Variants in SPG11 observed in about 807,000 individuals in gnomAD.
SPG11 encodes SPG11 vesicle trafficking associated, spatacsin.
A neutral mutation model predicts 274.0 loss-of-function variants in SPG11; 222 were observed. The observed-to-expected ratio is 0.81, with a 90% confidence interval of 0.73 to 0.91. The LOEUF (loss-of-function observed/expected upper bound fraction) is 0.91, where lower values mean the gene tolerates loss of function less well. Among genes scored for constraint, SPG11 ranks in the 40% least tolerant of loss-of-function variants. The probability of loss-of-function intolerance (pLI) is 0.00; values close to 1 mark genes in which losing one functional copy is unlikely to be tolerated. For missense variants in SPG11, 3,114 were observed against 2,872.7 expected (o/e 1.08, Z -1.92); for synonymous variants, 1,144 against 1,039.7 (o/e 1.10, Z -1.93).
intron 15 of SPG11, among the ~76,000 whole-genome samples, chr15:44,616,976 T>G (rs971444714): frequency 6.6e-6 from 1 of 152,226 alleles, no homozygotes; most frequent in African/African-American, 2.4e-5. Context: ...GTGCTTCCTC[T>G]TTTGTGAGAA....
At chr15:44,585,956 A>AT in intron 28 of SPG11, 106 bp from the exon 29 acceptor site, 1 of 832,900 alleles carries the variant, frequency 1.2e-6, no homozygotes, top group Non-Finnish European at 1.9e-6. Context: ...TAACATAGTA[A>AT]TGTGGTTAAA....
At chr15:44,625,754 C>T (rs1346120700) in intron 11 of SPG11, among the ~76,000 whole-genome samples, 3 of 152,196 alleles carry the variant, frequency 2.0e-5, no homozygotes, top group African/African-American at 4.8e-5. Flanking sequence ...TCTTGGCTCA[C>T]TGCAACCTCT....
intron 26 of SPG11, among the ~76,000 whole-genome samples, chr15:44,593,846 C>T (rs1004515957): frequency 6.6e-6 from 1 of 150,564 alleles, no homozygotes; most frequent in Admixed American, 6.6e-5. Context: ...TTCCACCTTG[C>T]GGGTTCAAGT....
chr15:44,627,887 A>C (rs2083949749), intron 10 of SPG11, among the ~76,000 whole-genome samples: 1 of 152,106 alleles, frequency 6.6e-6, no homozygotes, highest in Non-Finnish European at 1.5e-5. Context: ...CCGTACCCGG[A>C]TAATTTCTTA....
chr15:44,641,140 T>C (rs546729115), intron 7 of SPG11, among the ~76,000 whole-genome samples: 1 of 152,102 alleles, frequency 6.6e-6, no homozygotes, highest in Non-Finnish European at 1.5e-5. Context: ...GTGAAAATCA[T>C]AATTTATAGC....
At chr15:44,624,240 C>T (rs951196511) in intron 11 of SPG11, among the ~76,000 whole-genome samples, 1 of 151,008 alleles carries the variant, frequency 6.6e-6, no homozygotes, top group Non-Finnish European at 1.5e-5. Context: ...ATAATCTCTG[C>T]ACTTTGGGAG....
intron 33 of SPG11, among the ~76,000 whole-genome samples, chr15:44,571,918 A>C (rs976567465): frequency 2.0e-5 from 3 of 152,140 alleles, no homozygotes; most frequent in Admixed American, 6.6e-5. Flanking sequence ...CAGCCTCTCA[A>C]GTAGCTGGGA....
intron 26 of SPG11, among the ~76,000 whole-genome samples, chr15:44,593,589 G>A (rs1165442597): frequency 1.3e-5 from 2 of 152,194 alleles, no homozygotes; most frequent in Non-Finnish European, 2.9e-5. Flanking sequence ...TGTTGTCAGT[G>A]GGAGTCGCTC....
rs1403528550 is a variant in SPG11, at chr15:44,626,501, T to C, written c.2074A>G (p.Ile692Val). 6.2e-7 allele frequency: 1 copy of C among 1,613,624 alleles called. No homozygotes were observed. The highest frequency in any genetic ancestry group is 2.2e-5 in the East Asian group (1 of 44,832). Residue 692 changes from isoleucine to valine, a missense_variant, in exon 11 of 40, where the codon ATT (isoleucine) becomes GTT (valine). Coordinates refer to ENST00000261866, the MANE Select transcript of SPG11 (RefSeq NM_025137.4). ...IWKKLSFEEV[I>V]ASAILNNKIP... is the part of the protein sequence containing the mutation. ...TTGTTGTTTAAAATGGCGCTGGCAATAACTTCCTAGGAAAAGAAAAACGTT... is the reference window on the plus strand; with the variant it reads ...TTGTTGTTTAAAATGGCGCTGGCAACAACTTCCTAGGAAAAGAAAAACGTT...
At chr15:44,640,539 C>A (rs1179969385) in intron 7 of SPG11, among the ~76,000 whole-genome samples, 1 of 151,972 alleles carries the variant, frequency 6.6e-6, no homozygotes, top group Non-Finnish European at 1.5e-5. Flanking sequence ...AAGGAACAGA[C>A]AACAATAAAG....
Position 44,574,948 on chromosome 15 carries a change from C to G in SPG11, c.5960G>C (p.Gly1987Ala), listed in dbSNP as rs370519546. The change falls in exon 31 of 40, where the codon GGG becomes GCG. Residue 1987 changes from glycine to alanine, a missense_variant. Transcript: ENST00000261866. Reference sequence around the variant, plus strand: ...GAGGACCTGTCGACAGTAGTTCTTCCCATGGAGGCATTTGCTTGTCAGCAC... The same window carrying G: ...GAGGACCTGTCGACAGTAGTTCTTCGCATGGAGGCATTTGCTTGTCAGCAC... The part of the protein sequence containing the change: ...LEVLTSKCLH[G>A]KNYCRQVLCL... 5 of 1,614,098 alleles carry G rather than the reference C, an allele frequency of 3.1e-6. No homozygotes were observed. The East Asian group carries it at 1.1e-4, about 36-fold the overall frequency.
At chr15:44,657,998 G>A (rs972028257) in intron 3 of SPG11, among the ~76,000 whole-genome samples, 2 of 152,230 alleles carry the variant, frequency 1.3e-5, no homozygotes, top group Non-Finnish European at 2.9e-5. Flanking sequence ...CTGCACTCCA[G>A]CCTGGGTGAG....
At chr15:44,620,084 C>A in intron 15 of SPG11, 106 bp downstream of exon 15, 1 of 902,774 alleles carries the variant, frequency 1.1e-6, no homozygotes, top group Non-Finnish European at 1.8e-6. Flanking sequence ...TATGAAACAA[C>A]ACTACACTGG....
intron 33 of SPG11, among the ~76,000 whole-genome samples, chr15:44,571,549 G>A (rs1002343283): frequency 6.8e-6 from 1 of 147,098 alleles, no homozygotes; most frequent in African/African-American, 2.5e-5. Context: ...CCAGGCTGGA[G>A]TGCAGCGGCG....
intron 6 of SPG11, among the ~76,000 whole-genome samples, chr15:44,649,955 C>T (rs1441220226): frequency 6.6e-6 from 1 of 151,364 alleles, no homozygotes; most frequent in African/African-American, 2.4e-5. Flanking sequence ...CATAATCAAT[C>T]CTGGAACCTT....
intron 17 of SPG11, among the ~76,000 whole-genome samples, chr15:44,611,995 G>A (rs1166800697): frequency 2.0e-5 from 3 of 151,872 alleles, no homozygotes; most frequent in African/African-American, 7.3e-5. Flanking sequence ...ATTTTTAGTA[G>A]AGACGGGGTT....
In SPG11 at chr15:44,651,515, G is replaced by C. The variant is rs1226110412; in HGVS notation, c.1432C>G (p.Gln478Glu). Residue 478 changes from glutamine (Q) to glutamate (E), a missense_variant, in exon 6 of 40, where the codon CAG (glutamine) becomes GAG (glutamate). Transcript: ENST00000261866. ...CCTGTCAAAACAAAGCACAGCTGCT[G>C]GTCTCCACTACTGTCTACAGGAATA... is the stretch of plus-strand genomic sequence containing the variant. ...KCIPVDSSGDQQLCFVLTENG... is the reference protein window; with the variant it reads ...KCIPVDSSGDEQLCFVLTENG... The C allele has an allele frequency of 1.2e-6, 2 of 1,614,126 alleles. No homozygotes were observed. Among genetic ancestry groups the C allele is most frequent in the East Asian group, 4.5e-5 (2 of 44,888 alleles).
intron 7 of SPG11, among the ~76,000 whole-genome samples, chr15:44,641,252 T>C (rs1284701265): frequency 6.6e-6 from 1 of 151,880 alleles, no homozygotes; most frequent in Non-Finnish European, 1.5e-5. Flanking sequence ...CTGAGATCTC[T>C]CCACTGCATT....
intron 7 of SPG11, among the ~76,000 whole-genome samples, chr15:44,643,719 G>C (rs1446812160): frequency 6.6e-6 from 1 of 151,876 alleles, no homozygotes; most frequent in Non-Finnish European, 1.5e-5. Flanking sequence ...GCGTTTCAAA[G>C]GACACCATCG....
Sources: allele counts gnomAD v4.1 joint callset (sites outside exome capture counted in the v4.1 genomes callset), GRCh38; gene constraint gnomAD v4.1.1; transcripts MANE v1.5; gene names NCBI Gene and HGNC (gene_info 2026-07-23, HGNC 2026-07-21).